Variants in ESYT2 observed in about 807,000 individuals in gnomAD.
The protein encoded by ESYT2 is extended synaptotagmin-2.
Under a neutral mutation model 107.2 loss-of-function variants are expected in ESYT2, and 54 were observed. The observed-to-expected ratio is 0.50, with a 90% CI of 0.40 to 0.63. The LOEUF (loss-of-function observed/expected upper bound fraction) is 0.63, where lower values mean the gene tolerates loss of function less well. Among genes scored for constraint, ESYT2 ranks in the 30% least tolerant of loss-of-function variants. The pLI, the probability that ESYT2 is intolerant of heterozygous loss-of-function variation, is 0.00. For missense variants in ESYT2, 1,020 were observed against 1,094.5 expected (o/e 0.93, Z 0.96); for synonymous variants, 491 against 434.1 (o/e 1.13, Z -1.63).
intron 3 of ESYT2, 80 bp downstream of exon 3, chr7:158,797,856 GAAAAAA>G: frequency 8.1e-7 from 1 of 1,231,986 alleles, no homozygotes; most frequent in Non-Finnish European, 1.1e-6. Flanking sequence ...TCCGTCTCAA[GAAAAAA>G]AAAAAAAGAA....
intron 1 of ESYT2, among the ~76,000 whole-genome samples, chr7:158,815,233 C>T (rs6979070): frequency 0.076 from 11,564 of 152,264 alleles, 501 homozygotes; most frequent in Middle Eastern, 0.15. Context: ...GCTTGCCTGT[C>T]TCCTGTCTCT....
In ESYT2 at chr7:158,764,871, C is replaced by G; in HGVS notation, c.925-18G>C. ...AGAACACCCTGAAAAGAAGAACAAA[C>G]TGAAGTTTAGACCCTTGGCTGGCTT... On this transcript the variant is annotated intron_variant, in intron 8 of 22. Transcript: ENST00000275418. The G allele has an allele frequency of 6.2e-7, 1 of 1,611,774 alleles. No individual in the cohort carries two copies. Among genetic ancestry groups the G allele is most frequent in the Non-Finnish European group, 8.5e-7 (1 of 1,178,850 alleles).
Position 158,759,954 on chromosome 7 carries a change from C to T in ESYT2, c.1323+104G>A, listed in dbSNP as rs1837901789. 1.2e-5 allele frequency: 12 copies of T among 968,964 alleles called. No individual in the cohort carries two copies. The East Asian group carries it at 2.9e-4, about 23-fold the overall frequency. 60.0% of individuals were successfully genotyped at this position (968,964 alleles called of 1,614,324 possible). On this transcript the variant is annotated intron_variant, in intron 12 of 22. Coordinates refer to ENST00000275418, the MANE Select transcript of ESYT2 (RefSeq NM_001367773.1). Reference sequence around the variant, plus strand: ...TATTACACAATAATGAAAATTACTGCTATAATTGTTAAAAAATCAAGTAGC... The same window carrying T: ...TATTACACAATAATGAAAATTACTGTTATAATTGTTAAAAAATCAAGTAGC...
At chr7:158,749,198 C>T (rs1280749333) in intron 15 of ESYT2, among the ~76,000 whole-genome samples, 2 of 152,106 alleles carry the variant, frequency 1.3e-5, no homozygotes, top group Admixed American at 6.5e-5. Flanking sequence ...CCTCTGCCTC[C>T]CGGGTTCAAG....
chr7:158,744,021 C>T, intron 16 of ESYT2: 1 of 207,644 alleles, frequency 4.8e-6, no homozygotes, highest in Non-Finnish European at 9.5e-6. Flanking sequence ...CTGCAGTGAG[C>T]TGATATCGCG....
intron 1 of ESYT2, among the ~76,000 whole-genome samples, chr7:158,818,302 A>G (rs1840200896): frequency 6.6e-6 from 1 of 152,258 alleles, no homozygotes; most frequent in African/African-American, 2.4e-5. Context: ...GAAGATACAG[A>G]GCAAATCAAG....
Position 158,802,315 on chromosome 7 carries a change from C to CT in ESYT2, c.331-3244dup, listed in dbSNP as rs1652076419. Among the ~76,000 whole-genome samples, 5 of 151,870 alleles carry CT rather than the reference C, an allele frequency of 3.3e-5. No individual in the cohort carries two copies. In the South Asian group the frequency reaches 8.3e-4, roughly 25 times the overall value. ...AGCATTTTTTTTTTTGAGATGGAGT[C>CT]TAACTCCGTCACTCAGGCTGGAGTG... On this transcript the variant is annotated intron_variant, in intron 1 of 22. Transcript: ENST00000275418.
intron 14 of ESYT2, among the ~76,000 whole-genome samples, chr7:158,750,862 G>A (rs1837562353): frequency 6.6e-6 from 1 of 152,178 alleles, no homozygotes; most frequent in Non-Finnish European, 1.5e-5. Flanking sequence ...AGGAGGCTGT[G>A]TCCCCTCGGG....
At chr7:158,812,876 C>T (rs529826733) in intron 1 of ESYT2, among the ~76,000 whole-genome samples, 3 of 152,126 alleles carry the variant, frequency 2.0e-5, no homozygotes, top group Non-Finnish European at 4.4e-5. Flanking sequence ...ATATCCAGAA[C>T]AGGTAAACCC....
intron 3 of ESYT2, among the ~76,000 whole-genome samples, chr7:158,796,494 C>T (rs1020754844): frequency 6.6e-6 from 1 of 152,164 alleles, no homozygotes; most frequent in African/African-American, 2.4e-5. Flanking sequence ...TTAAACTTGT[C>T]AATTACTGCA....
At chr7:158,776,905 T>C (rs1177124183) in intron 6 of ESYT2, among the ~76,000 whole-genome samples, 1 of 150,122 alleles carries the variant, frequency 6.7e-6, no homozygotes, top group Admixed American at 6.7e-5. Context: ...CAGGCTGGAG[T>C]GCAATGGCGC....
rs546627698 is a variant in ESYT2 at position 158,734,261 on chromosome 7, G to A, written c.2556-9C>T. On this transcript the variant is annotated splice_polypyrimidine_tract_variant and intron_variant, in intron 22 of 22. Coordinates refer to ENST00000275418, the MANE Select transcript of ESYT2 (RefSeq NM_001367773.1). ...CTTCCGTGAGGTCATACCTGAGAAA[G>A]ACAGTGACAGGAAGGTGGTGACGGA... 6.2e-7 allele frequency: 1 copy of A among 1,614,122 alleles called. No homozygotes were observed. Among genetic ancestry groups the A allele is most frequent in the Admixed American group, 1.7e-5 (1 of 60,012 alleles).
intron 4 of ESYT2, among the ~76,000 whole-genome samples, chr7:158,789,356 TTTTCTTTTC>T (rs1839208605): frequency 1.3e-5 from 2 of 152,126 alleles, no homozygotes; most frequent in Admixed American, 1.3e-4. Flanking sequence ...GACTTGATCA[TTTTCTTTTC>T]TTTTTTTTTG....
In ESYT2 at chr7:158,829,190, G is replaced by A. The variant is rs769627213; in HGVS notation, c.229C>T (p.Arg77Cys). ...LALLAWCRRS[R>C]GLKALRLCRA... is the part of the protein sequence containing the mutation. ...CACAGGCGCAGGGCCTTGAGGCCGC[G>A]GCTGCGGCGACACCAGGCGAGCAGC... Residue 77 changes from arginine to cysteine, a missense_variant, in exon 1 of 23, where the codon CGC becomes TGC. By Grantham distance (180) the Arg-to-Cys change is radical. Transcript: ENST00000275418. 17 of 1,535,242 alleles carry A rather than the reference G, an allele frequency of 1.1e-5. No homozygotes were observed. The African/African-American group carries it at 1.1e-4, about 10-fold the overall frequency.
At chr7:158,756,914 TAAAAAAA>T (rs201326042) in intron 13 of ESYT2, among the ~76,000 whole-genome samples, 2 of 98,804 alleles carry the variant, frequency 2.0e-5, no homozygotes, top group East Asian at 3.0e-4. Flanking sequence ...CATCTCAAAT[TAAAAAAA>T]AAAAAAAAAA....
chr7:158,736,942 C>T, intron 20 of ESYT2, 106 bp downstream of exon 20: 2 of 1,469,802 alleles, frequency 1.4e-6, no homozygotes, highest in Non-Finnish European at 1.8e-6. Context: ...TTGAACTTCT[C>T]AACAGCTGAT....
chr7:158,737,581 G>A (rs1468298204), intron 19 of ESYT2, among the ~76,000 whole-genome samples: 1 of 152,078 alleles, frequency 6.6e-6, no homozygotes, highest in African/African-American at 2.4e-5. Context: ...AGCAAACGCG[G>A]TCAGGTGCCC....
In ESYT2 at chr7:158,758,661, C is replaced by G. The variant is rs79768384; in HGVS notation, c.1419+825G>C. Among the ~76,000 whole-genome samples, 42 of 152,256 alleles carry G rather than the reference C, an allele frequency of 2.8e-4. No homozygotes were observed. In the East Asian group the frequency reaches 3.1e-3, roughly 11 times the overall value. On this transcript the variant is annotated intron_variant, in intron 13 of 22. Transcript: ENST00000275418. ...GCAGTCTTTCTTCCAACAAAAGCGG[C>G]TGTGGACACGATGAAATAAACACTG...
chr7:158,779,133 A>G (rs1450613391), intron 6 of ESYT2, among the ~76,000 whole-genome samples: 2 of 152,244 alleles, frequency 1.3e-5, no homozygotes, highest in African/African-American at 2.4e-5. Context: ...AAGGCTATCT[A>G]GAAATCTGAA....
Sources: allele counts gnomAD v4.1 joint callset (sites outside exome capture counted in the v4.1 genomes callset), GRCh38; gene constraint gnomAD v4.1.1; transcripts MANE v1.5; gene names NCBI Gene and HGNC (gene_info 2026-07-23, HGNC 2026-07-21).